CR1: variants seen among roughly 807,000 people sequenced by gnomAD.
The protein encoded by CR1 is complement C3b/C4b receptor 1 (Knops blood group), also known as complement receptor type 1.
A neutral mutation model predicts 187.3 loss-of-function variants in CR1; 116 were observed. That is an observed-to-expected ratio of 0.62 (90% CI 0.53 to 0.72). The LOEUF (loss-of-function observed/expected upper bound fraction) is 0.72. CR1 is among the 30% of genes least tolerant of loss of function. The probability of loss-of-function intolerance (pLI) is 0.00; values close to 1 mark genes in which losing one functional copy is unlikely to be tolerated. For missense variants in CR1, 1,731 were observed against 2,110.7 expected (o/e 0.82, Z 3.52); for synonymous variants, 576 against 747.1 (o/e 0.77, Z 3.73).
Position 207,580,284 on chromosome 1 carries a change from A to T in CR1, c.4981A>T (p.Ser1661Cys). The T allele has an allele frequency of 6.2e-7, 1 of 1,613,838 alleles. No individual in the cohort carries two copies. Among genetic ancestry groups the T allele is most frequent in the Non-Finnish European group, 8.5e-7 (1 of 1,179,844 alleles). ...AATCCTGCATGGTGAGCATACCCCA[A>T]GCCATCAGGACAACTTTTCACCTGG... ...PEILHGEHTP[S>C]HQDNFSPGQE... Residue 1661 changes from serine (S) to cysteine (C), a missense_variant, in exon 30 of 47, where the codon AGC (serine) becomes TGC (cysteine). By Grantham distance (112) the Ser-to-Cys change is moderately radical (BLOSUM62 -1). Transcript: ENST00000367049.
intron 4 of CR1, among the ~76,000 whole-genome samples, chr1:207,522,514 C>A (rs187175141): frequency 6.6e-6 from 1 of 152,314 alleles, no homozygotes. Flanking sequence ...GCTGCCCATT[C>A]CCAAACAATA....
intron 46 of CR1, 84 bp downstream of exon 46, chr1:207,630,705 C>G (rs1465718819): frequency 1.4e-5 from 12 of 849,286 alleles, no homozygotes; most frequent in African/African-American, 1.8e-5. Context: ...TGATATTGCA[C>G]TAGGTAGGTC....
chr1:207,496,204 A>T lies in CR1; in HGVS notation c.-64A>T. The stretch of plus-strand genomic sequence containing the variant: ...TGATTGGTCACTCCTATTTTCGCTG[A>T]GCTTTTCCTCTTATTTCAGTTTTCT... On this transcript the variant is annotated 5_prime_UTR_variant, in exon 1 of 47. It removes the in-frame stop codon of an upstream open reading frame in the 5' UTR. Coordinates refer to ENST00000367049, the MANE Select transcript of CR1 (RefSeq NM_000651.6). The T allele has an allele frequency of 6.2e-7, 1 of 1,612,490 alleles. No homozygotes were observed. The highest frequency in any genetic ancestry group is 1.1e-5 in the South Asian group (1 of 90,878).
At chr1:207,564,617 A>G (rs1034252218) in intron 23 of CR1, among the ~76,000 whole-genome samples, 4 of 150,066 alleles carry the variant, frequency 2.7e-5, no homozygotes, top group African/African-American at 1.0e-4. Flanking sequence ...CCTGGACAAC[A>G]TGGTGAAACC....
intron 11 of CR1, among the ~76,000 whole-genome samples, chr1:207,538,112 A>C (rs1358537025): frequency 5.3e-5 from 1 of 18,914 alleles, no homozygotes; most frequent in Non-Finnish European, 8.7e-5. Context: ...ATATATATAT[A>C]TATATATATA....
chr1:207,626,134 G>T (rs1662472151), intron 45 of CR1, among the ~76,000 whole-genome samples: 1 of 152,094 alleles, frequency 6.6e-6, no homozygotes, highest in African/African-American at 2.4e-5. Flanking sequence ...AGCAAAGCCG[G>T]CCCACCTGTG....
intron 1 of CR1, among the ~76,000 whole-genome samples, chr1:207,504,158 C>T (rs555523530): frequency 1.3e-5 from 2 of 152,286 alleles, no homozygotes; most frequent in East Asian, 3.9e-4. Flanking sequence ...TTGGTACTAT[C>T]TGAGGTTTTG....
intron 42 of CR1, among the ~76,000 whole-genome samples, chr1:207,619,052 A>AG (rs1553301624): frequency 1.4e-5 from 2 of 143,938 alleles, no homozygotes; most frequent in African/African-American, 2.6e-5. Context: ...AAAAAAAAAA[A>AG]AAAGAAAAGA....
rs1553292598 is a variant in CR1 at position 207,567,805 on chromosome 1, G to A, written c.3953-19G>A. ...GTGAAACTCCTGAATGAAACTTAGA[G>A]CTTTTGTATGTTTTCTAGAAATCTT... On this transcript the variant is annotated intron_variant, in intron 24 of 46. Transcript: ENST00000367049. The A allele has an allele frequency of 1.9e-6, 3 of 1,611,054 alleles. No homozygotes were observed. The Admixed American group carries it at 5.0e-5, about 27-fold the overall frequency.
In CR1 at chr1:207,609,461, A is replaced by G. The variant is rs760727043; in HGVS notation, c.6068A>G (p.Asp2023Gly). 40 of 1,613,896 alleles carry G rather than the reference A, an allele frequency of 2.5e-5. No homozygotes were observed. In the African/African-American group the frequency reaches 3.7e-4, roughly 15 times the overall value. Residue 2023 changes from aspartate (D) to glycine (G), a missense_variant, in exon 37 of 47, where the codon GAT becomes GGT. This residue lies in a region of CR1 where 1,312 missense variants were observed against 1,379.6 expected (regional missense o/e 0.95). Transcript: ENST00000367049. Reference protein sequence around the residue: ...ERSIYCTSKDDQVGVWSSPPP... With the variant: ...ERSIYCTSKDGQVGVWSSPPP... ...TCAATATATTGCACCAGCAAAGATGATCAAGTTGGTGTTTGGAGCAGCCCT... is the reference window on the plus strand; with the variant it reads ...TCAATATATTGCACCAGCAAAGATGGTCAAGTTGGTGTTTGGAGCAGCCCT...
intron 46 of CR1, among the ~76,000 whole-genome samples, chr1:207,636,877 G>A (rs917456671): frequency 1.3e-5 from 2 of 152,154 alleles, no homozygotes; most frequent in Non-Finnish European, 2.9e-5. Context: ...ATTAAAAGTT[G>A]AATAAATGCA....
intron 46 of CR1, among the ~76,000 whole-genome samples, chr1:207,634,553 C>T (rs1362838598): frequency 6.6e-6 from 1 of 152,000 alleles, no homozygotes. Flanking sequence ...ACAGGTGATG[C>T]TGGGAAGTCC....
chr1:207,577,671 G>C, intron 28 of CR1, 134 bp from the exon 29 acceptor site: 1 of 1,384,140 alleles, frequency 7.2e-7, no homozygotes. Context: ...TCGGGAGGTT[G>C]AGGTGGGAGG....
rs1191411501 is a variant in CR1 at position 207,641,727 on chromosome 1, T to C, written c.*2318T>C. Reference sequence around the variant, plus strand: ...ATGAAATTTTCTGTCTCTACCATTGTAATGAGAAAGGAATAAAATACTTTA... The same window carrying C: ...ATGAAATTTTCTGTCTCTACCATTGCAATGAGAAAGGAATAAAATACTTTA... On this transcript the variant is annotated 3_prime_UTR_variant, in exon 47 of 47. Transcript: ENST00000367049. 1 of 152,176 alleles carries C rather than the reference T, an allele frequency of 6.6e-6. No homozygotes were observed. The highest frequency in any genetic ancestry group is 1.5e-5 in the Non-Finnish European group (1 of 68,030). 9.4% of individuals were successfully genotyped at this position (152,176 alleles called of 1,614,324 possible). A position where few individuals can be genotyped will look rare whatever the true frequency, so the allele number is the denominator to read the frequency against.
chr1:207,587,277 TA>T, intron 33 of CR1, 108 bp from the exon 34 acceptor site: 1 of 940,162 alleles, frequency 1.1e-6, no homozygotes, highest in Non-Finnish European at 1.6e-6. Flanking sequence ...GCTATTCTTG[TA>T]AGTCTCTTTG....
Position 207,607,115 on chromosome 1 carries a change from G to C in CR1, c.5811-136G>C. 3 of 585,740 alleles carry C rather than the reference G, an allele frequency of 5.1e-6. 1 individual carries two copies. 36.3% of individuals were successfully genotyped at this position (585,740 alleles called of 1,614,324 possible). On this transcript the variant is annotated intron_variant, in intron 35 of 46. Transcript: ENST00000367049. ...AAGGACTAATTTGCAGATGGAGATG[G>C]GGTTTCTTCCTTCCGAGGTCTGCCA...
intron 42 of CR1, among the ~76,000 whole-genome samples, chr1:207,619,581 C>T (rs1662254844): frequency 6.6e-6 from 1 of 152,086 alleles, no homozygotes; most frequent in South Asian, 2.1e-4. Context: ...CCAGTGGCTC[C>T]AGGGCTAGAT....
intron 1 of CR1, among the ~76,000 whole-genome samples, chr1:207,496,725 C>A (rs1041938005): frequency 1.2e-4 from 19 of 152,190 alleles, no homozygotes; most frequent in Non-Finnish European, 2.1e-4. Flanking sequence ...CAAGACGTGG[C>A]GTTGATCCTA....
intron 35 of CR1, among the ~76,000 whole-genome samples, chr1:207,602,564 T>A (rs1272097723): frequency 6.6e-6 from 1 of 152,050 alleles, no homozygotes; most frequent in East Asian, 1.9e-4. Flanking sequence ...ATGGTTAAAA[T>A]CTAAAAGCAT....
Sources: allele counts gnomAD v4.1 joint callset (sites outside exome capture counted in the v4.1 genomes callset), GRCh38; gene constraint gnomAD v4.1.1; regional missense constraint gnomAD v4.1.1; transcripts MANE v1.5; gene names NCBI Gene and HGNC (gene_info 2026-07-23, HGNC 2026-07-21).